The following CLIC5 variants were observed in gnomAD, a reference collection of about 807,000 sequenced individuals.
CLIC5 encodes the protein CLIC family member 5, also known as chloride intracellular channel protein 5.
Under a neutral mutation model 24.7 loss-of-function variants are expected in CLIC5, and 20 were observed. The observed-to-expected ratio is 0.81, with a 90% CI of 0.57 to 1.18. The LOEUF (loss-of-function observed/expected upper bound fraction) is 1.18. CLIC5 is among the 50% of genes most tolerant of loss of function. CLIC5 has a pLI of 0.00. For synonymous variants in CLIC5, 159 were observed against 135.6 expected (o/e 1.17, Z -1.20); for missense variants, 341 against 326.1 (o/e 1.05, Z -0.35).
upstream of CLIC5, among the ~76,000 whole-genome samples, chr6:46,017,562 T>C (rs1429322416): frequency 6.6e-6 from 1 of 152,216 alleles, no homozygotes; most frequent in East Asian, 1.9e-4. Flanking sequence ...CTTTTCTTAG[T>C]GCACACTATG....
At chr6:45,981,037 C>T (rs962137422) in intron 1 of CLIC5, among the ~76,000 whole-genome samples, 3 of 151,486 alleles carry the variant, frequency 2.0e-5, no homozygotes, top group African/African-American at 7.3e-5. Context: ...GTGGTGTGAT[C>T]TCGGCTCACT....
At chr6:45,975,631 T>C (rs1250787697) in intron 1 of CLIC5, among the ~76,000 whole-genome samples, 2 of 152,168 alleles carry the variant, frequency 1.3e-5, no homozygotes, top group Non-Finnish European at 2.9e-5. Flanking sequence ...ATAGTTATGT[T>C]GCTAATCTTA....
the CLIC5 span, among the ~76,000 whole-genome samples, chr6:46,109,916 T>C: frequency 6.8e-6 from 1 of 146,206 alleles, no homozygotes; most frequent in Admixed American, 6.7e-5. Flanking sequence ...CTAAAACCCC[T>C]TGTGGCCTTT....
intron 1 of CLIC5, among the ~76,000 whole-genome samples, chr6:46,057,105 A>G (rs1045422921): frequency 2.0e-5 from 3 of 152,302 alleles, no homozygotes; most frequent in Non-Finnish European, 2.9e-5. Context: ...CCCCAGTGGT[A>G]TGATGTTGCA....
intron 2 of CLIC5, among the ~76,000 whole-genome samples, chr6:45,951,516 C>A (rs1216380242): frequency 6.6e-6 from 1 of 152,118 alleles, no homozygotes; most frequent in Non-Finnish European, 1.5e-5. Flanking sequence ...CTGTTAATAT[C>A]CAGGAGTGTG....
intron 6 of CLIC5, among the ~76,000 whole-genome samples, chr6:45,891,436 G>C (rs1243790856): frequency 1.3e-5 from 2 of 152,114 alleles, no homozygotes; most frequent in Non-Finnish European, 2.9e-5. Context: ...AAGAGATCAA[G>C]ACCATCCAGG....
Position 45,888,140 on chromosome 6 carries a change from C to G in CLIC5, c.624-6952G>C, listed in dbSNP as rs191926798. 3.3e-5 allele frequency among the ~76,000 whole-genome samples: 5 copies of G among 152,290 alleles called. No homozygotes were observed. In the East Asian group the frequency reaches 9.6e-4, roughly 29 times the overall value. ...AGTGAGAGCAGCTTCACAGCCTGCCCCTTCCCTGGGGTGGGGGGGATTTCC... is the reference window on the plus strand; with the variant it reads ...AGTGAGAGCAGCTTCACAGCCTGCCGCTTCCCTGGGGTGGGGGGGATTTCC... On this transcript the variant is annotated intron_variant, in intron 6 of 6. Transcript: ENST00000644324.
At chr6:45,884,490 G>C (rs1581702055) in intron 6 of CLIC5, among the ~76,000 whole-genome samples, 1 of 152,220 alleles carries the variant, frequency 6.6e-6, no homozygotes, top group East Asian at 1.9e-4. Context: ...GATCAGGAAA[G>C]ACAATTCTCC....
intron 1 of CLIC5, among the ~76,000 whole-genome samples, chr6:46,074,850 G>C (rs770362868): frequency 2.6e-5 from 4 of 152,226 alleles, no homozygotes; most frequent in African/African-American, 9.6e-5. Flanking sequence ...TTCCTTTCAA[G>C]GATGAAGAAA....
intron 3 of CLIC5, among the ~76,000 whole-genome samples, chr6:45,947,248 C>T (rs1224329941): frequency 6.6e-6 from 1 of 152,224 alleles, no homozygotes; most frequent in East Asian, 1.9e-4. Flanking sequence ...GTTAGAGAAG[C>T]AGCCCAGGAA....
downstream of CLIC5, among the ~76,000 whole-genome samples, chr6:45,897,175 G>A (rs961793306): frequency 5.9e-5 from 9 of 152,218 alleles, no homozygotes; most frequent in South Asian, 2.1e-4. Flanking sequence ...CCCAGAGGAC[G>A]GCAGCACTTC....
intron 4 of CLIC5, among the ~76,000 whole-genome samples, chr6:45,923,926 C>A (rs568063697): frequency 6.6e-6 from 1 of 152,156 alleles, no homozygotes; most frequent in Non-Finnish European, 1.5e-5. Context: ...GTTTCCTTCT[C>A]TGCAAAGTGG....
chr6:45,912,507 G>A (rs1762857205), intron 5 of CLIC5: 1 of 1,354,190 alleles, frequency 7.4e-7, no homozygotes, highest in Non-Finnish European at 9.5e-7. Flanking sequence ...GAAAAGGAAA[G>A]AAGGAGGGAA....
intron 1 of CLIC5, among the ~76,000 whole-genome samples, chr6:45,990,102 T>G (rs1765881473): frequency 6.6e-6 from 1 of 152,350 alleles, no homozygotes; most frequent in African/African-American, 2.4e-5. Context: ...TTGGGTCATG[T>G]GAACAGGGTT....
chr6:46,042,292 C>A (rs550355838), intron 1 of CLIC5, among the ~76,000 whole-genome samples: 2 of 152,214 alleles, frequency 1.3e-5, no homozygotes, highest in East Asian at 3.9e-4. Context: ...CAATAACAAA[C>A]TTATCTTTGA....
chr6:46,017,791 C>A (rs958690817), upstream of CLIC5, among the ~76,000 whole-genome samples: 1 of 152,164 alleles, frequency 6.6e-6, no homozygotes, highest in Non-Finnish European at 1.5e-5. Context: ...TTTAGCTGAA[C>A]CTTCCTGAAA....
chr6:45,939,976 C>T lies in CLIC5; in HGVS notation c.406+1571G>A, dbSNP rs149112911. On this transcript the variant is annotated intron_variant, in intron 4 of 5. Coordinates refer to ENST00000339561, the MANE Select transcript of CLIC5 (RefSeq NM_016929.5). ...CTTTCCACATGCTTCTTCTTATTTC[C>T]CAGAAGCCACTCTCTTTCTAGTTTC... Among the ~76,000 whole-genome samples the T allele has an allele frequency of 4.6e-3, 704 of 152,174 alleles. 7 individuals carry two copies. The highest frequency in any genetic ancestry group is 0.024 in the South Asian group (114 of 4,810).
intron 1 of CLIC5, among the ~76,000 whole-genome samples, chr6:46,078,687 G>C (rs1258213890): frequency 2.0e-5 from 3 of 152,116 alleles, no homozygotes; most frequent in South Asian, 2.1e-4. Flanking sequence ...TGTGTGTCTG[G>C]TATGTATGTG....
chr6:45,929,239 A>C (rs3777563), intron 4 of CLIC5, among the ~76,000 whole-genome samples: 1 of 152,202 alleles, frequency 6.6e-6, no homozygotes, highest in Non-Finnish European at 1.5e-5. Flanking sequence ...AATTGGAAGC[A>C]TCCACCTCAA....
Sources: gnomAD v4.1 joint callset for allele counts (sites outside exome capture counted in the v4.1 genomes callset) on GRCh38, gnomAD v4.1.1 for gene constraint, MANE v1.5 for transcripts, NCBI Gene and HGNC (gene_info 2026-07-23, HGNC 2026-07-21) for gene names.